The following UNC13C variants were observed in gnomAD, a reference collection of about 807,000 sequenced individuals.
The protein encoded by UNC13C is unc-13 homolog C, also known as protein unc-13 homolog C.
UNC13C carries 174 observed loss-of-function variants against 245.4 expected under a neutral mutation model. That is an observed-to-expected ratio of 0.71 (90% CI 0.63 to 0.80). The LOEUF is 0.80. Ranked by LOEUF, UNC13C falls within the 30% of genes least tolerant of loss-of-function variation. The pLI is 0.00. For missense variants in UNC13C, 2,829 were observed against 2,602.9 expected (o/e 1.09, Z -1.89); for synonymous variants, 992 against 895.1 (o/e 1.11, Z -1.93).
chr15:54,100,770 C>T (rs7173252), intron 2 of UNC13C, among the ~76,000 whole-genome samples: 24,239 of 151,876 alleles, frequency 0.16, 1,999 homozygotes, highest in South Asian at 0.24. Flanking sequence ...TTTCTACCTG[C>T]TCCATCACTG....
At chr15:54,424,726 A>T (rs927411900) in intron 19 of UNC13C, among the ~76,000 whole-genome samples, 1 of 151,732 alleles carries the variant, frequency 6.6e-6, no homozygotes, top group Non-Finnish European at 1.5e-5. Flanking sequence ...AGGGGCAAGA[A>T]AATGGCATTT....
the UNC13C span, among the ~76,000 whole-genome samples, chr15:53,843,074 T>C: frequency 1.3e-4 from 20 of 152,058 alleles, no homozygotes; most frequent in African/African-American, 4.8e-4. Context: ...CCTTTAGATG[T>C]TTCTCATTCG....
chr15:54,246,213 T>C (rs1308723958), intron 7 of UNC13C, among the ~76,000 whole-genome samples: 8 of 152,174 alleles, frequency 5.3e-5, no homozygotes, highest in Admixed American at 5.2e-4. Flanking sequence ...AATTCAATTT[T>C]TGGAGAAGAA....
At chr15:54,539,758 G>T (rs1356613970) in intron 26 of UNC13C, among the ~76,000 whole-genome samples, 2 of 151,968 alleles carry the variant, frequency 1.3e-5, no homozygotes, top group Admixed American at 1.3e-4. Context: ...AGTAATCTTG[G>T]TACTTCCAAC....
intron 2 of UNC13C, among the ~76,000 whole-genome samples, chr15:54,086,148 G>A (rs1899226145): frequency 6.6e-6 from 1 of 152,094 alleles, no homozygotes; most frequent in African/African-American, 2.4e-5. Flanking sequence ...TTATAGTGCT[G>A]CAGAACATCA....
At chr15:53,874,879 A>G in the UNC13C span, among the ~76,000 whole-genome samples, 1 of 152,130 alleles carries the variant, frequency 6.6e-6, no homozygotes, top group Non-Finnish European at 1.5e-5. Flanking sequence ...GCGGATCATG[A>G]GGTCAGGAGT....
chr15:54,548,836 TC>T (rs1896608709), intron 27 of UNC13C, among the ~76,000 whole-genome samples: 1 of 152,162 alleles, frequency 6.6e-6, no homozygotes, highest in African/African-American at 2.4e-5. Flanking sequence ...AAATAAATAT[TC>T]TTTGAGCTCC....
At chr15:54,485,057 G>A (rs1191754689) in intron 19 of UNC13C, among the ~76,000 whole-genome samples, 1 of 151,750 alleles carries the variant, frequency 6.6e-6, no homozygotes, top group Non-Finnish European at 1.5e-5. Flanking sequence ...GACACAATCA[G>A]GGCCTTTTAT....
upstream of UNC13C, among the ~76,000 whole-genome samples, chr15:53,975,406 A>T (rs767653822): frequency 2.6e-5 from 4 of 152,322 alleles, no homozygotes; most frequent in South Asian, 6.2e-4. Context: ...ATCCATTTGC[A>T]TGGAAACAGA....
intron 19 of UNC13C, among the ~76,000 whole-genome samples, chr15:54,477,922 G>T (rs960754898): frequency 2.7e-5 from 4 of 147,048 alleles, no homozygotes; most frequent in African/African-American, 1.0e-4. Flanking sequence ...GAATTCGGCT[G>T]TGAATCCATC....
intron 19 of UNC13C, among the ~76,000 whole-genome samples, chr15:54,444,324 AAT>A (rs745816575): frequency 4.0e-5 from 6 of 150,920 alleles, no homozygotes; most frequent in Non-Finnish European, 7.4e-5. Context: ...ACATATATAT[AAT>A]ATGTCATATA....
At chr15:54,016,335 A>C (rs1895658231) in intron 2 of UNC13C, among the ~76,000 whole-genome samples, 1 of 152,196 alleles carries the variant, frequency 6.6e-6, no homozygotes, top group South Asian at 2.1e-4. Flanking sequence ...GGACTCTGAG[A>C]CTTAACCACT....
rs923528630 is a variant in UNC13C, at chr15:54,377,352, G to C, written c.4714-15696G>C. Among the ~76,000 whole-genome samples, 5 of 152,142 alleles carry C rather than the reference G, an allele frequency of 3.3e-5. No homozygotes were observed. In the South Asian group the frequency reaches 6.2e-4, roughly 19 times the overall value. ...AAAACAGACATACTTTTTGAAGGAA[G>C]AATTGACAAATAATTTGAAACTATC... On this transcript the variant is annotated intron_variant, in intron 17 of 32. Coordinates refer to ENST00000260323, the MANE Select transcript of UNC13C (RefSeq NM_001080534.3).
At chr15:53,923,772 A>G in the UNC13C span, among the ~76,000 whole-genome samples, 1 of 152,234 alleles carries the variant, frequency 6.6e-6, no homozygotes, top group African/African-American at 2.4e-5. Flanking sequence ...TAAGTGCTCC[A>G]AGGCTGCTTC....
At chr15:54,291,268 T>A (rs894595857) in intron 10 of UNC13C, among the ~76,000 whole-genome samples, 1 of 151,990 alleles carries the variant, frequency 6.6e-6, no homozygotes, top group African/African-American at 2.4e-5. Context: ...CTGCTCTCCA[T>A]GGTTGATAGT....
intron 19 of UNC13C, among the ~76,000 whole-genome samples, chr15:54,458,692 T>TTTTTA: frequency 6.8e-6 from 1 of 146,060 alleles, no homozygotes; most frequent in East Asian, 2.0e-4. Flanking sequence ...TTTTTTTTTT[T>TTTTTA]TTTTTTTTTT....
chr15:53,970,626 C>T, the UNC13C span, among the ~76,000 whole-genome samples: 1 of 151,910 alleles, frequency 6.6e-6, no homozygotes, highest in East Asian at 1.9e-4. Flanking sequence ...GGGAGCTGAA[C>T]GATGAGAACA....
At chr15:54,119,767 A>T (rs1222452938) in intron 2 of UNC13C, among the ~76,000 whole-genome samples, 1 of 152,232 alleles carries the variant, frequency 6.6e-6, no homozygotes, top group Non-Finnish European at 1.5e-5. Flanking sequence ...CAGTGAATAC[A>T]CAAATGATAA....
the UNC13C span, among the ~76,000 whole-genome samples, chr15:53,908,252 C>A: frequency 2.1e-5 from 3 of 145,982 alleles, 1 homozygote; most frequent in Non-Finnish European, 4.6e-5. Context: ...TCTTGTTTGT[C>A]CTATTTTTAC....
Sources: allele counts gnomAD v4.1 joint callset (sites outside exome capture counted in the v4.1 genomes callset), GRCh38; gene constraint gnomAD v4.1.1; transcripts MANE v1.5; gene names NCBI Gene and HGNC (gene_info 2026-07-23, HGNC 2026-07-21).